MACROD2: variants seen among roughly 807,000 people sequenced by gnomAD.
MACROD2 encodes ADP-ribose glycohydrolase MACROD2.
In MACROD2, 36 loss-of-function variants were observed where a neutral mutation model predicts 70.4. The observed-to-expected ratio is 0.51, with a 90% CI of 0.39 to 0.68. The LOEUF is 0.68. MACROD2 is among the 30% of genes least tolerant of loss of function. The pLI, the probability that MACROD2 is intolerant of heterozygous loss-of-function variation, is 0.00. For synonymous variants in MACROD2, 172 were observed against 178.8 expected, an observed-to-expected ratio of 0.96 and a Z score of 0.30; for missense variants, 496 against 538.4, an observed-to-expected ratio of 0.92 and a Z score of 0.78.
At chr20:15,612,719 CG>C (rs1183463153) in intron 8 of MACROD2, among the ~76,000 whole-genome samples, 5 of 152,206 alleles carry the variant, frequency 3.3e-5, no homozygotes, top group Non-Finnish European at 5.9e-5. Flanking sequence ...TTCTTGTAGT[CG>C]TTTTTAAAAT....
chr20:15,123,091 AC>A, intron 5 of MACROD2, among the ~76,000 whole-genome samples: 1 of 152,134 alleles, frequency 6.6e-6, no homozygotes, highest in East Asian at 1.9e-4. Flanking sequence ...AGCGATAACT[AC>A]TTTTTTAGTG....
At chr20:15,850,129 C>T (rs1600994032) in intron 8 of MACROD2, among the ~76,000 whole-genome samples, 1 of 152,102 alleles carries the variant, frequency 6.6e-6, no homozygotes, top group African/African-American at 2.4e-5. Context: ...AAAGCAGACC[C>T]TAAGACAAGA....
At chr20:15,269,986 A>G (rs963407818) in intron 6 of MACROD2, among the ~76,000 whole-genome samples, 3 of 152,114 alleles carry the variant, frequency 2.0e-5, no homozygotes. Context: ...ACTCTAGAAG[A>G]CTTAAACTTT....
At chr20:15,049,235 G>A (rs1475597840) in intron 5 of MACROD2, among the ~76,000 whole-genome samples, 1 of 151,676 alleles carries the variant, frequency 6.6e-6, no homozygotes, top group Non-Finnish European at 1.5e-5. Context: ...TAAAATCAGA[G>A]ATGTGGGCTA....
intron 2 of MACROD2, among the ~76,000 whole-genome samples, chr20:14,009,898 A>T (rs762062735): frequency 4.0e-4 from 61 of 152,198 alleles, no homozygotes; most frequent in Non-Finnish European, 7.8e-4. Flanking sequence ...ACATGTTCTC[A>T]CTTTTATGTG....
chr20:15,099,813 A>G (rs1337780352), intron 5 of MACROD2, among the ~76,000 whole-genome samples: 1 of 152,198 alleles, frequency 6.6e-6, no homozygotes, highest in Non-Finnish European at 1.5e-5. Flanking sequence ...CCTTCTTTGC[A>G]GAATACATAA....
intron 3 of MACROD2, among the ~76,000 whole-genome samples, chr20:14,314,978 C>A (rs939676949): frequency 2.0e-5 from 3 of 152,088 alleles, no homozygotes; most frequent in Non-Finnish European, 2.9e-5. Flanking sequence ...AACTGGAAAG[C>A]AAACCTAGGT....
At chr20:14,301,886 C>A (rs548485658) in intron 3 of MACROD2, among the ~76,000 whole-genome samples, 94 of 152,192 alleles carry the variant, frequency 6.2e-4, no homozygotes, top group Non-Finnish European at 1.0e-3. Context: ...TAATTCAGAT[C>A]TTTTATGCAT....
chr20:14,190,590 TGGGCAGAAAACTGCCTTTAGC>T (rs2148738003), intron 3 of MACROD2, among the ~76,000 whole-genome samples: 1 of 147,642 alleles, frequency 6.8e-6, no homozygotes, highest in South Asian at 2.1e-4. Flanking sequence ...ATTTTCAGCC[TGGGCAGAAAACTGCCTTTAGC>T]ATCTTTGTAT....
At chr20:15,677,203 G>C (rs1407185178) in intron 8 of MACROD2, among the ~76,000 whole-genome samples, 1 of 152,182 alleles carries the variant, frequency 6.6e-6, no homozygotes, top group Non-Finnish European at 1.5e-5. Context: ...TTGGACTATT[G>C]TAGTAATCTC....
intron 5 of MACROD2, among the ~76,000 whole-genome samples, chr20:15,200,179 A>T (rs1459267701): frequency 2.6e-5 from 4 of 152,196 alleles, no homozygotes; most frequent in African/African-American, 7.2e-5. Context: ...GTTGAAGAAG[A>T]AAAAAACTGG....
At chr20:14,829,709 A>G (rs534272303) in intron 5 of MACROD2, among the ~76,000 whole-genome samples, 2 of 152,252 alleles carry the variant, frequency 1.3e-5, no homozygotes, top group African/African-American at 4.8e-5. Context: ...CTAGTAAGGA[A>G]ATGAAAATAT....
chr20:14,080,946 G>T (rs2053985849), intron 2 of MACROD2, among the ~76,000 whole-genome samples: 1 of 152,212 alleles, frequency 6.6e-6, no homozygotes, highest in Non-Finnish European at 1.5e-5. Flanking sequence ...GTAACTTCAT[G>T]AGAATCTCTT....
At chr20:15,511,994 T>C (rs1196454360) in intron 8 of MACROD2, among the ~76,000 whole-genome samples, 1 of 152,238 alleles carries the variant, frequency 6.6e-6, no homozygotes, top group African/African-American at 2.4e-5. Context: ...CAATCTTTTA[T>C]GGCTAAGACA....
At chr20:14,607,398 T>C (rs1291094630) in intron 4 of MACROD2, among the ~76,000 whole-genome samples, 1 of 152,170 alleles carries the variant, frequency 6.6e-6, no homozygotes. Context: ...GTTGGGAACT[T>C]GTATTAGCAT....
chr20:14,237,546 A>T (rs1313257328), intron 3 of MACROD2, among the ~76,000 whole-genome samples: 1 of 149,792 alleles, frequency 6.7e-6, no homozygotes, highest in Non-Finnish European at 1.5e-5. Flanking sequence ...TATTTATTTT[A>T]TTATTATTAT....
At chr20:14,704,583 T>C (rs1408998361) in intron 5 of MACROD2, among the ~76,000 whole-genome samples, 3 of 152,156 alleles carry the variant, frequency 2.0e-5, no homozygotes, top group African/African-American at 7.2e-5. Flanking sequence ...AAGGAAGATA[T>C]CCACCTATTC....
chr20:14,358,816 T>C lies in MACROD2; in HGVS notation c.272-134663T>C, dbSNP rs186061379. On this transcript the variant is annotated intron_variant, in intron 3 of 17. Coordinates refer to ENST00000684519, the MANE Select transcript of MACROD2 (RefSeq NM_001351661.2). ...GAAACTTGCCCAAGGTCACACAGAG[T>C]TGCACTCAGGTTTCAAACCCTGGCT... is the stretch of plus-strand genomic sequence containing the variant. Among the ~76,000 whole-genome samples, 183 of 152,208 alleles carry C rather than the reference T, an allele frequency of 1.2e-3. 2 individuals are homozygous for C. Among genetic ancestry groups the C allele is most frequent in the Non-Finnish European group, 2.3e-3 (158 of 67,996 alleles).
chr20:15,457,242 A>T (rs947810308), intron 7 of MACROD2, among the ~76,000 whole-genome samples: 1 of 151,950 alleles, frequency 6.6e-6, no homozygotes, highest in Non-Finnish European at 1.5e-5. Context: ...TTTGATAAGG[A>T]TTTCCTGCCT....
Sources: allele counts gnomAD v4.1 joint callset (sites outside exome capture counted in the v4.1 genomes callset), GRCh38; gene constraint gnomAD v4.1.1; transcripts MANE v1.5; gene names NCBI Gene and HGNC (gene_info 2026-07-23, HGNC 2026-07-21).